Variants in ITGA8 observed in about 807,000 individuals in gnomAD.
ITGA8 encodes the protein integrin subunit alpha 8, also known as integrin alpha-8.
In ITGA8, 91 loss-of-function variants were observed where a neutral mutation model predicts 142.3. The ratio of observed to expected loss-of-function variants is 0.64; its 90% CI spans 0.54 to 0.76. ITGA8 has a LOEUF of 0.76. Among genes scored for constraint, ITGA8 ranks in the 30% least tolerant of loss-of-function variants. The probability of loss-of-function intolerance (pLI) is 0.00; values close to 1 mark genes in which losing one functional copy is unlikely to be tolerated. For synonymous variants in ITGA8, 505 were observed against 485.2 expected, an observed-to-expected ratio of 1.04 and a Z score of -0.54; for missense variants, 1,406 against 1,327.7, an observed-to-expected ratio of 1.06 and a Z score of -0.92.
Position 15,660,998 on chromosome 10 carries a change from A to C in ITGA8, c.848-76T>G, listed in dbSNP as rs1329891503. The C allele has an allele frequency of 4.6e-6, 6 of 1,317,084 alleles. No individual in the cohort carries two copies. In the African/African-American group the frequency reaches 5.8e-5, roughly 13 times the overall value. The allele number at this position is 1,317,084 out of a possible 1,614,324, so 81.6% of individuals were successfully genotyped here. A position where few individuals can be genotyped will look rare whatever the true frequency, so the allele number is the denominator to read the frequency against. ...ACACACACACACGCCATATACTAAA[A>C]GTGGTAAAGACAGTGCTTGTAAAAT... On this transcript the variant is annotated intron_variant, in intron 8 of 29. Coordinates refer to ENST00000378076, the MANE Select transcript of ITGA8 (RefSeq NM_003638.3).
intron 19 of ITGA8, 55 bp from the exon 20 acceptor site, chr10:15,604,410 A>G (rs770121776): frequency 7.0e-7 from 1 of 1,429,694 alleles, no homozygotes; most frequent in Non-Finnish European, 9.5e-7. Context: ...GGCTTCGTGA[A>G]TATTTTATTT....
intron 13 of ITGA8, among the ~76,000 whole-genome samples, chr10:15,643,724 C>T (rs558768675): frequency 3.3e-5 from 5 of 152,262 alleles, no homozygotes; most frequent in South Asian, 2.1e-4. Flanking sequence ...CAGTGCAAGC[C>T]GCGGTATTGA....
intron 2 of ITGA8, among the ~76,000 whole-genome samples, chr10:15,691,561 C>T (rs930569326): frequency 6.6e-6 from 1 of 152,132 alleles, no homozygotes; most frequent in Non-Finnish European, 1.5e-5. Context: ...GGATATCATG[C>T]TAAGGCACAA....
intron 13 of ITGA8, among the ~76,000 whole-genome samples, chr10:15,643,467 A>T (rs1447019449): frequency 6.6e-6 from 1 of 152,088 alleles, no homozygotes; most frequent in Non-Finnish European, 1.5e-5. Context: ...ATTAGTAGAG[A>T]CGGGGTTTTA....
chr10:15,655,959 G>A (rs1210795762), intron 10 of ITGA8, among the ~76,000 whole-genome samples: 6 of 152,072 alleles, frequency 3.9e-5, no homozygotes, highest in Non-Finnish European at 7.4e-5. Context: ...ATGGTGGCAC[G>A]TGTAGTCCCA....
intron 24 of ITGA8, among the ~76,000 whole-genome samples, chr10:15,573,683 T>C (rs941798296): frequency 5.3e-5 from 8 of 152,124 alleles, no homozygotes; most frequent in Non-Finnish European, 1.0e-4. Context: ...ATGTCCCTTG[T>C]AGCTCAAGAT....
At chr10:15,529,147 C>T (rs912655016) in intron 28 of ITGA8, among the ~76,000 whole-genome samples, 2 of 151,936 alleles carry the variant, frequency 1.3e-5, no homozygotes, top group Admixed American at 6.6e-5. Flanking sequence ...GCAGTGCATG[C>T]GATCATAGCT....
chr10:15,556,336 C>G (rs1588642293), intron 26 of ITGA8, among the ~76,000 whole-genome samples: 2 of 152,106 alleles, frequency 1.3e-5, no homozygotes, highest in Non-Finnish European at 2.9e-5. Flanking sequence ...CCAGGTCTCT[C>G]TCTTTGGCTT....
chr10:15,579,491 A>G (rs907582726), intron 23 of ITGA8, among the ~76,000 whole-genome samples: 1 of 152,112 alleles, frequency 6.6e-6, no homozygotes, highest in Non-Finnish European at 1.5e-5. Flanking sequence ...CCAGTTTTAA[A>G]TTTATTTTGG....
intron 2 of ITGA8, among the ~76,000 whole-genome samples, chr10:15,692,952 C>T (rs1834962450): frequency 6.6e-6 from 1 of 152,092 alleles, no homozygotes; most frequent in African/African-American, 2.4e-5. Flanking sequence ...TCTGTAGTCT[C>T]ATCTACTCAG....
At chr10:15,660,848 C>G (rs76492903) in intron 9 of ITGA8, 31 bp downstream of exon 9, 4 of 1,573,464 alleles carry the variant, frequency 2.5e-6, no homozygotes, top group Middle Eastern at 1.7e-4. Flanking sequence ...AAGAAAATAC[C>G]CTATTCCTGT....
intron 27 of ITGA8, among the ~76,000 whole-genome samples, chr10:15,537,107 A>G (rs1489573113): frequency 6.6e-6 from 1 of 152,212 alleles, no homozygotes; most frequent in Non-Finnish European, 1.5e-5. Context: ...CCTACATACA[A>G]TCTGTTTCTG....
Position 15,514,914 on chromosome 10 carries a change from T to C in ITGA8, c.*2244A>G, listed in dbSNP as rs974097960. The C allele has an allele frequency of 6.6e-6, 1 of 152,360 alleles. No individual in the cohort carries two copies. The highest frequency in any genetic ancestry group is 6.5e-5 in the Admixed American group (1 of 15,288). The allele number at this position is 152,360 out of a possible 1,614,324, so 9.4% of individuals were successfully genotyped here. A position where few individuals can be genotyped will look rare whatever the true frequency, so the allele number is the denominator to read the frequency against. On this transcript the variant is annotated 3_prime_UTR_variant, in exon 30 of 30. Coordinates refer to ENST00000378076, the MANE Select transcript of ITGA8 (RefSeq NM_003638.3). ...TCATTCTGGGTCTCAGTCTTCCTCCTGGCATCTCTAGTTCCTTCCAGGTAT... is the reference window on the plus strand; with the variant it reads ...TCATTCTGGGTCTCAGTCTTCCTCCCGGCATCTCTAGTTCCTTCCAGGTAT...
rs77523794 is a variant in ITGA8, at chr10:15,543,730, G to A, written c.2880+4725C>T. The stretch of plus-strand genomic sequence containing the variant: ...GGATGGAAGATTATTGATTTTAGAG[G>A]GTTGAATAATGTCTTACCCAAATTC... On this transcript the variant is annotated intron_variant, in intron 27 of 29. Transcript: ENST00000378076. 3.0e-3 allele frequency among the ~76,000 whole-genome samples: 450 copies of A among 152,146 alleles called. 4 individuals are homozygous for A. Among genetic ancestry groups the A allele is most frequent in the African/African-American group, 0.01 (425 of 41,500 alleles).
intron 2 of ITGA8, among the ~76,000 whole-genome samples, chr10:15,706,965 C>T (rs112317838): frequency 0.028 from 4,251 of 152,220 alleles, 95 homozygotes; most frequent in Admixed American, 0.053. Flanking sequence ...TCAAGCACAC[C>T]CACATCTCCA....
At chr10:15,604,160 T>C in intron 20 of ITGA8, 48 bp downstream of exon 20, 1 of 1,559,676 alleles carries the variant, frequency 6.4e-7, no homozygotes, top group Non-Finnish European at 8.7e-7. Flanking sequence ...TTTACTTGAC[T>C]TCAAAAATAT....
chr10:15,544,318 AAAC>A (rs1235985078), intron 27 of ITGA8, among the ~76,000 whole-genome samples: 9 of 151,974 alleles, frequency 5.9e-5, no homozygotes, highest in African/African-American at 9.7e-5. Flanking sequence ...AAACAAAACA[AAAC>A]AACAACAACA....
intron 28 of ITGA8, among the ~76,000 whole-genome samples, chr10:15,529,539 C>T (rs1833249563): frequency 6.6e-6 from 1 of 152,210 alleles, no homozygotes; most frequent in Non-Finnish European, 1.5e-5. Context: ...GGCTCCCCTG[C>T]AGAATTGTCT....
intron 6 of ITGA8, among the ~76,000 whole-genome samples, chr10:15,675,753 A>G (rs1475388677): frequency 6.6e-6 from 1 of 152,192 alleles, no homozygotes; most frequent in South Asian, 2.1e-4. Flanking sequence ...AGCTAAAGCC[A>G]TCTATTTAAA....
Sources: gnomAD v4.1 joint callset for allele counts (sites outside exome capture counted in the v4.1 genomes callset) on GRCh38, gnomAD v4.1.1 for gene constraint, MANE v1.5 for transcripts, NCBI Gene and HGNC (gene_info 2026-07-23, HGNC 2026-07-21) for gene names.